ABCC4: variants seen among roughly 807,000 people sequenced by gnomAD.
The protein encoded by ABCC4 is ATP-binding cassette sub-family C member 4.
In ABCC4, 102 loss-of-function variants were observed where a neutral mutation model predicts 168.5. The ratio of observed to expected loss-of-function variants is 0.61; its 90% CI spans 0.52 to 0.71. The LOEUF is 0.71. ABCC4 is among the 30% of genes least tolerant of loss of function. The pLI is 0.00. For synonymous variants in ABCC4, 617 were observed against 590.7 expected (o/e 1.04, Z -0.65); for missense variants, 1,402 against 1,605.8 (o/e 0.87, Z 2.17).
chr13:95,071,920 G>T, intron 24 of ABCC4, 67 bp from the exon 25 acceptor site: 1 of 1,176,926 alleles, frequency 8.5e-7, no homozygotes, highest in Non-Finnish European at 1.1e-6. Context: ...TTAAGAGACT[G>T]TCAATGAAAT....
intron 21 of ABCC4, among the ~76,000 whole-genome samples, chr13:95,076,472 C>T (rs1348297134): frequency 2.0e-5 from 3 of 150,378 alleles, no homozygotes; most frequent in African/African-American, 7.3e-5. Context: ...AGCTGCTCCT[C>T]CTTGAGCCAT....
At chr13:95,081,841 T>C (rs1487394755) in intron 21 of ABCC4, among the ~76,000 whole-genome samples, 1 of 151,720 alleles carries the variant, frequency 6.6e-6, no homozygotes, top group Non-Finnish European at 1.5e-5. Flanking sequence ...TCTCTACTAA[T>C]AATATGAAAA....
intron 27 of ABCC4, among the ~76,000 whole-genome samples, chr13:95,048,616 T>C (rs1367935262): frequency 1.3e-5 from 2 of 152,190 alleles, no homozygotes; most frequent in Admixed American, 6.5e-5. Context: ...GTGCAAGGTG[T>C]GGGGAATAGA....
chr13:95,201,077 A>C (rs985542176), intron 8 of ABCC4, among the ~76,000 whole-genome samples: 11 of 152,172 alleles, frequency 7.2e-5, no homozygotes, highest in African/African-American at 1.9e-4. Flanking sequence ...CTCCCACCAG[A>C]AACTATGTAC....
chr13:95,233,334 T>A (rs1057471123), intron 4 of ABCC4, among the ~76,000 whole-genome samples: 6 of 92,396 alleles, frequency 6.5e-5, no homozygotes, highest in African/African-American at 1.3e-4. Flanking sequence ...AAAAAAAAAA[T>A]CATGTCCTTT....
chr13:95,114,393 T>C (rs1235100987), intron 20 of ABCC4, among the ~76,000 whole-genome samples: 1 of 152,236 alleles, frequency 6.6e-6, no homozygotes, highest in African/African-American at 2.4e-5. Flanking sequence ...CCTAGCTTCC[T>C]GTTGCAAAGA....
rs115797406 is a variant in ABCC4, at chr13:95,030,267, C to T, written c.3870+4338G>A. On this transcript the variant is annotated intron_variant, in intron 30 of 30. Transcript: ENST00000645237. ...AACTCCTGACTTCAAGTGATATACCCGCCTCAACTTCCTAAAGTGCTGGGA... is the reference window on the plus strand; with the variant it reads ...AACTCCTGACTTCAAGTGATATACCTGCCTCAACTTCCTAAAGTGCTGGGA... 6.7e-3 allele frequency among the ~76,000 whole-genome samples: 1,013 copies of T among 152,172 alleles called. 7 individuals are homozygous for T. The highest frequency in any genetic ancestry group is 0.022 in the African/African-American group (920 of 41,524).
chr13:95,118,477 C>G (rs562501069), intron 19 of ABCC4, among the ~76,000 whole-genome samples: 30 of 152,270 alleles, frequency 2.0e-4, no homozygotes, highest in African/African-American at 6.7e-4. Flanking sequence ...CTTCTGATCT[C>G]AGGTGATCCA....
At chr13:95,025,206 AC>A (rs2031367126) in intron 30 of ABCC4, among the ~76,000 whole-genome samples, 1 of 41,078 alleles carries the variant, frequency 2.4e-5, no homozygotes, top group Non-Finnish European at 4.4e-5. Context: ...ACACACCCCC[AC>A]ACCCCCCACA....
At chr13:95,086,773 C>T (rs1385643964) in intron 20 of ABCC4, among the ~76,000 whole-genome samples, 1 of 152,138 alleles carries the variant, frequency 6.6e-6, no homozygotes, top group African/African-American at 2.4e-5. Context: ...TTGAACTCTC[C>T]CTCTCTCTGT....
intron 13 of ABCC4, among the ~76,000 whole-genome samples, chr13:95,173,742 C>T (rs1228178761): frequency 6.6e-6 from 1 of 152,162 alleles, no homozygotes; most frequent in Admixed American, 6.5e-5. Context: ...ATGTTTGTGG[C>T]CCTCCCCAAA....
chr13:95,252,711 T>C (rs552732350), intron 1 of ABCC4, among the ~76,000 whole-genome samples: 25 of 152,098 alleles, frequency 1.6e-4, no homozygotes, highest in African/African-American at 5.8e-4. Flanking sequence ...TATGTGTAAG[T>C]AGGAAAAAAA....
chr13:95,144,245 A>G (rs1286880318), intron 19 of ABCC4, among the ~76,000 whole-genome samples: 1 of 90,282 alleles, frequency 1.1e-5, no homozygotes, highest in Non-Finnish European at 2.2e-5. Flanking sequence ...GGGGTGAAGC[A>G]TGATGATAAC....
intron 20 of ABCC4, among the ~76,000 whole-genome samples, chr13:95,112,725 G>C (rs904421131): frequency 2.0e-5 from 3 of 152,060 alleles, no homozygotes; most frequent in African/African-American, 7.2e-5. Flanking sequence ...CAGCTGCTGG[G>C]TTGAGAAGGC....
At chr13:95,226,079 C>A (rs2039457613) in intron 4 of ABCC4, among the ~76,000 whole-genome samples, 1 of 150,826 alleles carries the variant, frequency 6.6e-6, no homozygotes, top group Non-Finnish European at 1.5e-5. Context: ...GATGCCCACT[C>A]TTAACATTAA....
At chr13:95,071,076 A>G (rs2139306353) in intron 25 of ABCC4, among the ~76,000 whole-genome samples, 1 of 31,320 alleles carries the variant, frequency 3.2e-5, no homozygotes, top group Non-Finnish European at 1.6e-4. Flanking sequence ...GTTTCCCTGC[A>G]CAAACTCTCT....
At chr13:95,191,592 G>C (rs896571112) in intron 9 of ABCC4, among the ~76,000 whole-genome samples, 7 of 152,204 alleles carry the variant, frequency 4.6e-5, no homozygotes, top group Non-Finnish European at 1.0e-4. Flanking sequence ...AGTCTTGCTT[G>C]ACTTCGCCTT....
chr13:95,107,724 C>T (rs1209126), intron 20 of ABCC4, among the ~76,000 whole-genome samples: 1 of 152,036 alleles, frequency 6.6e-6, no homozygotes, highest in African/African-American at 2.4e-5. Context: ...GTCAGGAGTT[C>T]GAGACCAGTC....
At chr13:95,177,338 A>T (rs865784259) in intron 13 of ABCC4, among the ~76,000 whole-genome samples, 1 of 152,046 alleles carries the variant, frequency 6.6e-6, no homozygotes, top group Non-Finnish European at 1.5e-5. Flanking sequence ...GCCAAGTGCC[A>T]CCCTTCCATT....
Sources: allele counts gnomAD v4.1 joint callset (sites outside exome capture counted in the v4.1 genomes callset), GRCh38; gene constraint gnomAD v4.1.1; transcripts MANE v1.5; gene names NCBI Gene and HGNC (gene_info 2026-07-23, HGNC 2026-07-21).